The following MED27 variants were observed in gnomAD, a reference collection of about 807,000 sequenced individuals.
MED27 encodes the protein mediator of RNA polymerase II transcription subunit 27.
A neutral mutation model predicts 38.2 loss-of-function variants in MED27; 30 were observed. The observed-to-expected ratio is 0.79, with a 90% CI of 0.59 to 1.07. The LOEUF (loss-of-function observed/expected upper bound fraction) is 1.07. MED27 is among the 50% of genes least tolerant of loss of function. The pLI is 0.00. For synonymous variants in MED27, 122 were observed against 153.5 expected (o/e 0.79, Z 1.52); for missense variants, 289 against 397.5 (o/e 0.73, Z 2.32).
chr9:132,013,256 A>ATG (rs1364492891), intron 3 of MED27, among the ~76,000 whole-genome samples: 2 of 152,262 alleles, frequency 1.3e-5, no homozygotes, highest in African/African-American at 4.8e-5. Flanking sequence ...ACTACACTGC[A>ATG]ACAGAAAAAG....
At chr9:131,963,675 T>TA (rs1320573395) in intron 3 of MED27, among the ~76,000 whole-genome samples, 1 of 152,352 alleles carries the variant, frequency 6.6e-6, no homozygotes, top group East Asian at 1.9e-4. Flanking sequence ...AAGATATACT[T>TA]ACATTTATTC....
intron 3 of MED27, among the ~76,000 whole-genome samples, chr9:131,953,074 G>C (rs951600622): frequency 2.6e-5 from 4 of 152,224 alleles, no homozygotes; most frequent in African/African-American, 9.6e-5. Flanking sequence ...GATTAGTAAT[G>C]AAACAAAATT....
At chr9:131,936,311 T>C (rs1252009840) in intron 4 of MED27, among the ~76,000 whole-genome samples, 1 of 152,166 alleles carries the variant, frequency 6.6e-6, no homozygotes, top group Non-Finnish European at 1.5e-5. Context: ...GGGAAACAAC[T>C]GCCTCCATTT....
At chr9:131,894,679 G>A (rs1829796670) in intron 4 of MED27, among the ~76,000 whole-genome samples, 1 of 151,890 alleles carries the variant, frequency 6.6e-6, no homozygotes. Context: ...AAAGGAACCT[G>A]CTGTGCTTGC....
chr9:132,059,278 A>T lies in MED27; in HGVS notation c.348+18164T>A, dbSNP rs550437234. 9.8e-5 allele frequency among the ~76,000 whole-genome samples: 15 copies of T among 152,356 alleles called. No homozygotes were observed. In the South Asian group the frequency reaches 2.7e-3, roughly 27 times the overall value. On this transcript the variant is annotated intron_variant, in intron 2 of 7. Coordinates refer to ENST00000292035, the MANE Select transcript of MED27 (RefSeq NM_004269.4). ...ATCTCAGAGAGGGCAAGAGGAACAG[A>T]TCACCCTCAGAAAGACTCTGGTGGA... is the stretch of plus-strand genomic sequence containing the variant.
rs566699237 is a variant in MED27 at position 131,948,251 on chromosome 9, A to T, written c.480-8777T>A. ...TGTAATCCCAGCACTTTAGGAGGCC[A>T]AGGCAGGAGGATCAGTTGAGGTCAG... is the stretch of plus-strand genomic sequence containing the variant. On this transcript the variant is annotated intron_variant, in intron 3 of 7. Coordinates refer to ENST00000292035, the MANE Select transcript of MED27 (RefSeq NM_004269.4). Among the ~76,000 whole-genome samples the T allele has an allele frequency of 3.9e-5, 6 of 152,260 alleles. No individual in the cohort carries two copies. The South Asian group carries it at 8.3e-4, about 21-fold the overall frequency.
At position 131,860,670 on chromosome 9, in the gene MED27, G is replaced by C. The variant is rs149240789; in HGVS notation, c.804C>G (p.Thr268=). 7.4e-5 allele frequency: 119 copies of C among 1,612,888 alleles called. No homozygotes were observed. Among genetic ancestry groups the C allele is most frequent in the African/African-American group, 3.2e-4 (24 of 74,878 alleles). ...ACAGCTTTATGTAACTTCTTAACCAGGTCTAAAAAGAGAAACGAGGAGAGA... is the reference window on the plus strand; with the variant it reads ...ACAGCTTTATGTAACTTCTTAACCACGTCTAAAAAGAGAAACGAGGAGAGA... The part of the protein sequence containing the change: ...MPDVVVRSFM[T]WLRSYIKLFQ... The change falls in exon 8 of 8, where the codon ACC becomes ACG. Residue 268 remains threonine (T), a splice_region_variant and synonymous_variant. Coordinates refer to ENST00000292035, the MANE Select transcript of MED27 (RefSeq NM_004269.4). This position sits in a 1 kb window ranked among gnomAD's most constrained non-coding sequence, Gnocchi z 5.8.
rs1238745895 is a variant in MED27 at position 132,040,762 on chromosome 9, C to T, written c.349-26295G>A. ...ACGCCCTGTGCACGTGCACACACAC[C>T]GCACACTCAAGCACCAGCACACACG... is the stretch of plus-strand genomic sequence containing the variant. On this transcript the variant is annotated intron_variant, in intron 2 of 7. Coordinates refer to ENST00000292035, the MANE Select transcript of MED27 (RefSeq NM_004269.4). Among the ~76,000 whole-genome samples the T allele has an allele frequency of 7.2e-5, 11 of 152,214 alleles. No individual in the cohort carries two copies. The East Asian group carries it at 2.1e-3, about 29-fold the overall frequency.
At chr9:131,891,622 T>C (rs903133825) in intron 5 of MED27, among the ~76,000 whole-genome samples, 4 of 152,226 alleles carry the variant, frequency 2.6e-5, no homozygotes, top group Non-Finnish European at 4.4e-5. Flanking sequence ...CATTGCTTTC[T>C]GCCTAACATC....
At chr9:131,868,555 CG>C in intron 6 of MED27, 1 of 980,264 alleles carries the variant, frequency 1.0e-6, no homozygotes, top group Non-Finnish European at 1.2e-6. Context: ...GGATTACAGG[CG>C]TGCGCCACTG....
At chr9:132,074,425 G>A (rs969715202) in intron 2 of MED27, among the ~76,000 whole-genome samples, 1 of 152,192 alleles carries the variant, frequency 6.6e-6, no homozygotes, top group African/African-American at 2.4e-5. Flanking sequence ...TAATGGATGG[G>A]TATCAAAGCC....
chr9:131,884,362 G>C (rs1482337859), intron 5 of MED27, among the ~76,000 whole-genome samples: 1 of 152,194 alleles, frequency 6.6e-6, no homozygotes, highest in South Asian at 2.1e-4. Flanking sequence ...CCTGCAAGCT[G>C]AGCCCCTGGC....
At chr9:131,946,732 C>T in intron 3 of MED27, among the ~76,000 whole-genome samples, 1 of 152,206 alleles carries the variant, frequency 6.6e-6, no homozygotes, top group East Asian at 1.9e-4. Flanking sequence ...AGCAGGCTCA[C>T]TCTATCTTGG....
rs575095384 is a variant in MED27, at chr9:131,935,718, G to A, written c.573+3663C>T. 2.0e-5 allele frequency among the ~76,000 whole-genome samples: 3 copies of A among 152,288 alleles called. 1 individual carries two copies. The highest frequency in any genetic ancestry group is 4.1e-4 in the South Asian group (2 of 4,820). The stretch of plus-strand genomic sequence containing the variant: ...AGATGACCACGGGTCGGGAGGCAGG[G>A]ACTGGGGAGGAGCCATATTGTTTAT... On this transcript the variant is annotated intron_variant, in intron 4 of 7. Coordinates refer to ENST00000292035, the MANE Select transcript of MED27 (RefSeq NM_004269.4).
chr9:132,001,254 G>A (rs1408128193), intron 3 of MED27, among the ~76,000 whole-genome samples: 1 of 152,166 alleles, frequency 6.6e-6, no homozygotes, highest in African/African-American at 2.4e-5. Context: ...TTCAGGGTAA[G>A]AAATATGTTC....
intron 3 of MED27, among the ~76,000 whole-genome samples, chr9:131,994,128 T>C (rs1174663577): frequency 6.6e-6 from 1 of 152,222 alleles, no homozygotes; most frequent in African/African-American, 2.4e-5. Context: ...ATTTAGAAGT[T>C]TGGTGATGTT....
chr9:131,921,665 C>A (rs932965165), intron 4 of MED27, among the ~76,000 whole-genome samples: 4 of 152,162 alleles, frequency 2.6e-5, no homozygotes, highest in African/African-American at 7.2e-5. Context: ...CCCAGCCATC[C>A]CATTACTGGG....
chr9:132,057,056 G>C (rs1833593746), intron 2 of MED27, among the ~76,000 whole-genome samples: 1 of 152,216 alleles, frequency 6.6e-6, no homozygotes, highest in Non-Finnish European at 1.5e-5. Context: ...CTAGCTCTTG[G>C]TGCCAGGCCC....
intron 5 of MED27, among the ~76,000 whole-genome samples, chr9:131,886,267 C>T (rs1047990855): frequency 2.0e-5 from 3 of 152,154 alleles, no homozygotes; most frequent in Non-Finnish European, 4.4e-5. Flanking sequence ...ACTTTTAGGA[C>T]AGTAGAGAAG....
Sources: gnomAD v4.1 joint callset for allele counts (sites outside exome capture counted in the v4.1 genomes callset) on GRCh38, gnomAD v4.1.1 for gene constraint, Gnocchi (gnomAD v3.1) non-coding constraint, MANE v1.5 for transcripts, NCBI Gene and HGNC (gene_info 2026-07-23, HGNC 2026-07-21) for gene names.